Variants in KLF12 observed in about 807,000 individuals in gnomAD.
The protein encoded by KLF12 is Krueppel-like factor 12.
In KLF12, 9 loss-of-function variants were observed where a neutral mutation model predicts 37.8. The ratio of observed to expected loss-of-function variants is 0.24; its 90% CI spans 0.14 to 0.42. The LOEUF (loss-of-function observed/expected upper bound fraction) is 0.42. Ranked by LOEUF, KLF12 falls within the 10% of genes least tolerant of loss-of-function variation. The probability of loss-of-function intolerance (pLI) is 1.00; values close to 1 mark genes in which losing one functional copy is unlikely to be tolerated. For missense variants in KLF12, 411 were observed against 516.0 expected, an observed-to-expected ratio of 0.80 and a Z score of 1.97; for synonymous variants, 208 against 202.1, an observed-to-expected ratio of 1.03 and a Z score of -0.25.
chr13:73,788,113 C>A (rs1168729551), intron 5 of KLF12, among the ~76,000 whole-genome samples: 1 of 152,142 alleles, frequency 6.6e-6, no homozygotes, highest in Non-Finnish European at 1.5e-5. Context: ...TTGATGACTT[C>A]TTTCCCTATT....
At chr13:73,817,728 C>A (rs530949812) in intron 4 of KLF12, among the ~76,000 whole-genome samples, 1 of 152,348 alleles carries the variant, frequency 6.6e-6, no homozygotes, top group East Asian at 1.9e-4. Flanking sequence ...GCATATGCTG[C>A]ATTTTAACCA....
chr13:73,934,586 A>G (rs1889839338), intron 3 of KLF12, among the ~76,000 whole-genome samples: 1 of 152,128 alleles, frequency 6.6e-6, no homozygotes, highest in South Asian at 2.1e-4. Context: ...TTCAGATAAG[A>G]AGACTGATTT....
chr13:74,098,148 G>A (rs1434219056), intron 1 of KLF12, among the ~76,000 whole-genome samples: 3 of 152,002 alleles, frequency 2.0e-5, no homozygotes, highest in East Asian at 1.9e-4. Flanking sequence ...TAACCATTTC[G>A]GCCATAATAA....
chr13:74,255,566 C>T, the KLF12 span, among the ~76,000 whole-genome samples: 8 of 152,022 alleles, frequency 5.3e-5, no homozygotes, highest in African/African-American at 1.9e-4. Flanking sequence ...GTTGTTTTAC[C>T]AAATTATTTT....
chr13:74,137,625 G>T (rs987039120), upstream of KLF12, among the ~76,000 whole-genome samples: 9 of 152,176 alleles, frequency 5.9e-5, no homozygotes, highest in African/African-American at 1.7e-4. Context: ...TTTACAATTA[G>T]AAATAATGTT....
intron 7 of KLF12, among the ~76,000 whole-genome samples, chr13:73,697,804 G>A (rs572706362): frequency 2.0e-5 from 3 of 152,260 alleles, no homozygotes; most frequent in Admixed American, 6.5e-5. Context: ...GGAGATGAGC[G>A]TTGCTCAGTT....
chr13:73,975,425 T>C (rs1891485119), intron 2 of KLF12, among the ~76,000 whole-genome samples: 1 of 152,232 alleles, frequency 6.6e-6, no homozygotes, highest in African/African-American at 2.4e-5. Context: ...ATCTTCATTT[T>C]ATCTGCCTCC....
At chr13:73,796,511 G>C (rs1168130726) in intron 5 of KLF12, among the ~76,000 whole-genome samples, 4 of 98,796 alleles carry the variant, frequency 4.0e-5, no homozygotes, top group Non-Finnish European at 8.1e-5. Flanking sequence ...CCTGTGCTGT[G>C]TGTGTGTGTG....
intron 1 of KLF12, among the ~76,000 whole-genome samples, chr13:74,024,711 T>C (rs1210968738): frequency 4.6e-5 from 7 of 152,210 alleles, no homozygotes; most frequent in Admixed American, 4.6e-4. Context: ...TTAAGAGAGA[T>C]AGGCAACATC....
At chr13:74,084,661 T>C (rs1200859609) in intron 1 of KLF12, among the ~76,000 whole-genome samples, 1 of 152,188 alleles carries the variant, frequency 6.6e-6, no homozygotes, top group East Asian at 1.9e-4. Flanking sequence ...CAGTGTTCCG[T>C]TTGAGCTTTA....
chr13:74,027,339 T>C (rs1893000807), intron 1 of KLF12, among the ~76,000 whole-genome samples: 3 of 152,192 alleles, frequency 2.0e-5, no homozygotes, highest in Non-Finnish European at 4.4e-5. Context: ...TTTTTCATCA[T>C]CTAATTCTAC....
rs184431825 is a variant in KLF12, at chr13:73,946,581, A to G, written c.34-2511T>C. ...AGATGTACGGTTTAGTTTCACGTACAAGTGAAAAAAATAAAACATTCTCGA... is the reference window on the plus strand; with the variant it reads ...AGATGTACGGTTTAGTTTCACGTACGAGTGAAAAAAATAAAACATTCTCGA... On this transcript the variant is annotated intron_variant, in intron 2 of 7. Transcript: ENST00000377669. Among the ~76,000 whole-genome samples the G allele has an allele frequency of 3.9e-5, 6 of 152,330 alleles. No homozygotes were observed. The East Asian group carries it at 1.2e-3, about 29-fold the overall frequency.
At chr13:74,221,259 G>T in the KLF12 span, among the ~76,000 whole-genome samples, 8 of 152,092 alleles carry the variant, frequency 5.3e-5, no homozygotes, top group Admixed American at 2.0e-4. Flanking sequence ...GCCCGCCTTG[G>T]CCTCCCAAAG....
chr13:73,730,675 A>T (rs1876998214), intron 6 of KLF12, among the ~76,000 whole-genome samples: 1 of 152,078 alleles, frequency 6.6e-6, no homozygotes, highest in Non-Finnish European at 1.5e-5. Flanking sequence ...CCAACAAATA[A>T]GTCTTGAAGA....
the KLF12 span, among the ~76,000 whole-genome samples, chr13:74,244,198 C>A: frequency 2.0e-5 from 3 of 152,270 alleles, no homozygotes; most frequent in African/African-American, 7.2e-5. Flanking sequence ...TTTCATCTTT[C>A]ACCTGGACTT....
intron 6 of KLF12, among the ~76,000 whole-genome samples, chr13:73,753,476 C>A (rs1378616202): frequency 6.6e-6 from 1 of 152,146 alleles, no homozygotes; most frequent in Non-Finnish European, 1.5e-5. Context: ...CTTATCACTA[C>A]CAGATGCTAG....
chr13:73,742,692 G>T (rs1878087365), intron 6 of KLF12, among the ~76,000 whole-genome samples: 1 of 152,066 alleles, frequency 6.6e-6, no homozygotes, highest in African/African-American at 2.4e-5. Flanking sequence ...TTACAGATGA[G>T]TAAAATAGAG....
At chr13:73,714,577 C>T (rs1029732545) in intron 7 of KLF12, among the ~76,000 whole-genome samples, 1 of 152,170 alleles carries the variant, frequency 6.6e-6, no homozygotes, top group Non-Finnish European at 1.5e-5. Context: ...AGTCACCACT[C>T]TTCTTAGAAG....
At chr13:73,968,335 T>A (rs1199984904) in intron 2 of KLF12, among the ~76,000 whole-genome samples, 1 of 152,248 alleles carries the variant, frequency 6.6e-6, no homozygotes. Context: ...GACATCTATT[T>A]GTCTTCTCAG....
Sources: allele counts gnomAD v4.1 joint callset (sites outside exome capture counted in the v4.1 genomes callset), GRCh38; gene constraint gnomAD v4.1.1; transcripts MANE v1.5; gene names NCBI Gene and HGNC (gene_info 2026-07-23, HGNC 2026-07-21).